Variants in CIDEA observed in about 807,000 individuals in gnomAD.
CIDEA encodes the protein cell death inducing DFFA like effector a, also known as lipid transferase CIDEA.
Under a neutral mutation model 18.2 loss-of-function variants are expected in CIDEA, and 10 were observed. That is an observed-to-expected ratio of 0.55 (90% CI 0.34 to 0.93). The LOEUF is 0.93. Among genes scored for constraint, CIDEA ranks in the 40% least tolerant of loss-of-function variants. The probability of loss-of-function intolerance (pLI) is 0.02; values close to 1 mark genes in which losing one functional copy is unlikely to be tolerated. For missense variants in CIDEA, 309 were observed against 293.1 expected, an observed-to-expected ratio of 1.05 and a Z score of -0.40; for synonymous variants, 128 against 124.8, an observed-to-expected ratio of 1.03 and a Z score of -0.17.
At chr18:12,267,817 ATGTGCCAATCAGAGGTTC>A (rs1370548692) in intron 3 of CIDEA, among the ~76,000 whole-genome samples, 1 of 151,942 alleles carries the variant, frequency 6.6e-6, no homozygotes, top group Non-Finnish European at 1.5e-5. Flanking sequence ...TTCTATAGAC[ATGTGCCAATCAGAGGTTC>A]TGAGCTGCAG....
At chr18:12,257,058 C>T (rs1912058149) in intron 1 of CIDEA, among the ~76,000 whole-genome samples, 1 of 152,174 alleles carries the variant, frequency 6.6e-6, no homozygotes, top group South Asian at 2.1e-4. Flanking sequence ...CCACTGACCC[C>T]ACCATCCTCT....
chr18:12,254,623 G>C, intron 1 of CIDEA: 1 of 1,528,646 alleles, frequency 6.5e-7, no homozygotes. Context: ...CCCGCGGGCA[G>C]AGCCCAATCC....
intron 1 of CIDEA, chr18:12,255,085 T>C (rs1266540895): frequency 6.8e-6 from 3 of 438,280 alleles, no homozygotes; most frequent in Non-Finnish European, 1.1e-5. Flanking sequence ...CACCCGCTCG[T>C]GGTCGAACAG....
intron 3 of CIDEA, among the ~76,000 whole-genome samples, chr18:12,271,699 G>A (rs753953432): frequency 6.6e-6 from 1 of 152,124 alleles, no homozygotes; most frequent in African/African-American, 2.4e-5. Context: ...CCGGCCACGC[G>A]CTCCAGGGGG....
Position 12,254,394 on chromosome 18 carries a change from C to T in CIDEA, c.11C>T (p.Ala4Val). 1 of 1,558,238 alleles carries T rather than the reference C, an allele frequency of 6.4e-7. No homozygotes were observed. The highest frequency in any genetic ancestry group is 8.7e-7 in the Non-Finnish European group (1 of 1,152,584). The stretch of plus-strand genomic sequence containing the variant: ...TAGGGGATCCGCGCCATGGAGGCCG[C>T]CCGGGACTATGCAGGAGCCCTCATC... MEAARDYAGALIRP... is the reference protein window; with the variant it reads MEAVRDYAGALIRP... The change falls in exon 1 of 5, where the codon GCC becomes GTC. Residue 4 changes from alanine to valine, a missense_variant. By Grantham distance (64) the Ala-to-Val change is moderately conservative (BLOSUM62 0). Transcript: ENST00000320477.
intron 3 of CIDEA, among the ~76,000 whole-genome samples, chr18:12,271,149 TC>T (rs930987821): frequency 1.3e-5 from 2 of 152,066 alleles, no homozygotes; most frequent in African/African-American, 4.8e-5. Context: ...TCCACCCACC[TC>T]GGCCTCCCAC....
intron 1 of CIDEA, among the ~76,000 whole-genome samples, chr18:12,262,183 AAG>A (rs1284326267): frequency 6.6e-6 from 1 of 152,038 alleles, no homozygotes; most frequent in Non-Finnish European, 1.5e-5. Context: ...GAGAAAAAAA[AAG>A]TAAATTTTTG....
intron 3 of CIDEA, among the ~76,000 whole-genome samples, chr18:12,272,218 G>A (rs1452670453): frequency 1.5e-5 from 2 of 136,892 alleles, no homozygotes; most frequent in Non-Finnish European, 3.1e-5. Context: ...TTTTTTGTTT[G>A]TTCGTTTGTT....
chr18:12,269,821 C>G (rs1442405102), intron 3 of CIDEA, among the ~76,000 whole-genome samples: 1 of 152,136 alleles, frequency 6.6e-6, no homozygotes, highest in Non-Finnish European at 1.5e-5. Flanking sequence ...CCTCCTCCTC[C>G]CAAGTAATTG....
chr18:12,272,719 C>A (rs1912586757), intron 3 of CIDEA, among the ~76,000 whole-genome samples: 1 of 151,968 alleles, frequency 6.6e-6, no homozygotes, highest in Non-Finnish European at 1.5e-5. Flanking sequence ...TCAACCTCAC[C>A]CGAGATTCCA....
chr18:12,257,304 T>C (rs562137444), intron 1 of CIDEA, among the ~76,000 whole-genome samples: 111 of 152,318 alleles, frequency 7.3e-4, no homozygotes, highest in African/African-American at 2.0e-3. Flanking sequence ...CCCTCAGCCA[T>C]CACTGCCCCC....
intron 3 of CIDEA, among the ~76,000 whole-genome samples, chr18:12,269,689 G>A (rs1350500525): frequency 6.6e-6 from 1 of 152,044 alleles, no homozygotes; most frequent in Non-Finnish European, 1.5e-5. Flanking sequence ...GTTTATTATG[G>A]CCTTTCTTTC....
Position 12,263,097 on chromosome 18 carries a change from A to G in CIDEA, c.183+128A>G. ...AGAAAAGCAGCATCTCACTGGGGGG[A>G]AACGGGGAGAGAAATTGGGAATGAC... On this transcript the variant is annotated intron_variant, in intron 2 of 4. Coordinates refer to ENST00000320477, the MANE Select transcript of CIDEA (RefSeq NM_001279.4). 4 of 913,354 alleles carry G rather than the reference A, an allele frequency of 4.4e-6. 1 individual carries two copies. The South Asian group carries it at 8.5e-5, about 19-fold the overall frequency. The allele number at this position is 913,354 out of a possible 1,614,324, so 56.6% of individuals were successfully genotyped here. A position where few individuals can be genotyped will look rare whatever the true frequency, so the allele number is the denominator to read the frequency against.
Position 12,274,290 on chromosome 18 carries a change from G to T in CIDEA, c.512+16G>T. 6.2e-7 allele frequency: 1 copy of T among 1,612,950 alleles called. No homozygotes were observed. The highest frequency in any genetic ancestry group is 8.5e-7 in the Non-Finnish European group (1 of 1,179,208). On this transcript the variant is annotated intron_variant, in intron 4 of 4. Transcript: ENST00000320477. ...GCCTGCTGAGGTAACACACTCCAGG[G>T]GTCACCTCCGGGGGTCTGCAGACTG...
intron 1 of CIDEA, among the ~76,000 whole-genome samples, chr18:12,260,516 T>C (rs903899313): frequency 9.2e-5 from 14 of 152,192 alleles, no homozygotes; most frequent in South Asian, 8.3e-4. Flanking sequence ...ACAAACAATT[T>C]GGTAAGTCAT....
At chr18:12,269,755 T>C (rs1165550180) in intron 3 of CIDEA, among the ~76,000 whole-genome samples, 1 of 152,182 alleles carries the variant, frequency 6.6e-6, no homozygotes, top group African/African-American at 2.4e-5. Context: ...TGGAGTGCAG[T>C]GGCGTTATCT....
chr18:12,277,508 A>G lies in CIDEA; in HGVS notation c.*238A>G. 1 of 526,644 alleles carries G rather than the reference A, an allele frequency of 1.9e-6. No individual in the cohort carries two copies. Among genetic ancestry groups the G allele is most frequent in the Admixed American group, 3.2e-5 (1 of 31,296 alleles). The allele number at this position is 526,644 out of a possible 1,614,324, so 32.6% of individuals were successfully genotyped here. A position where few individuals can be genotyped will look rare whatever the true frequency, so the allele number is the denominator to read the frequency against. Reference sequence around the variant, plus strand: ...TGGGGGTCATGGGAAGCGAGCACGCAGCAGGCGTGCCCAGGAGCGTGTGCA... The same window carrying G: ...TGGGGGTCATGGGAAGCGAGCACGCGGCAGGCGTGCCCAGGAGCGTGTGCA... On this transcript the variant is annotated 3_prime_UTR_variant, in exon 5 of 5. Transcript: ENST00000320477.
At chr18:12,262,709 C>A (rs1912226001) in intron 1 of CIDEA, 116 bp from the exon 2 acceptor site, 2 of 1,006,920 alleles carry the variant, frequency 2.0e-6, no homozygotes, top group African/African-American at 3.2e-5. Flanking sequence ...GTAATCCCAA[C>A]AACTGAATTT....
intron 3 of CIDEA, among the ~76,000 whole-genome samples, chr18:12,266,287 C>A (rs1314321980): frequency 6.6e-6 from 1 of 151,936 alleles, no homozygotes; most frequent in African/African-American, 2.4e-5. Flanking sequence ...AACCCCATCT[C>A]TACCAAAAAA....
Sources: gnomAD v4.1 joint callset for allele counts (sites outside exome capture counted in the v4.1 genomes callset) on GRCh38, gnomAD v4.1.1 for gene constraint, MANE v1.5 for transcripts, NCBI Gene and HGNC (gene_info 2026-07-23, HGNC 2026-07-21) for gene names.